The following C1orf174 variants were observed in gnomAD, a reference collection of about 807,000 sequenced individuals.
C1orf174 encodes the protein UPF0688 protein C1orf174.
C1orf174 carries 13 observed loss-of-function variants against 18.4 expected under a neutral mutation model. That is an observed-to-expected ratio of 0.71 (90% confidence interval 0.46 to 1.12). The LOEUF (loss-of-function observed/expected upper bound fraction) is 1.12. Ranked by LOEUF, C1orf174 falls within the 50% of genes most tolerant of loss-of-function variation. The pLI, the probability that C1orf174 is intolerant of heterozygous loss-of-function variation, is 0.00. For missense variants in C1orf174, 309 were observed against 308.0 expected (o/e 1.00, Z -0.02); for synonymous variants, 100 against 118.3 (o/e 0.85, Z 1.01).
rs1409447316 is a variant in C1orf174, at chr1:3,890,755, G to C, written c.432C>G (p.His144Gln). ...ATTCTTCTGCTCCGGACCCGGCACTGTGTTTTGGCACGGACAGGCCATCTC... is the reference window on the plus strand; with the variant it reads ...ATTCTTCTGCTCCGGACCCGGCACTCTGTTTTGGCACGGACAGGCCATCTC... ...KTRDGLSVPK[H>Q]SAGSGAEESN... Residue 144 changes from histidine to glutamine, a missense_variant, in exon 3 of 4, where the codon CAC becomes CAG. Transcript: ENST00000361605. 1 of 1,613,960 alleles carries C rather than the reference G, an allele frequency of 6.2e-7. No homozygotes were observed. The highest frequency in any genetic ancestry group is 8.5e-7 in the Non-Finnish European group (1 of 1,180,032).
intron 1 of C1orf174, among the ~76,000 whole-genome samples, chr1:3,899,323 T>C (rs546769979): frequency 1.6e-4 from 25 of 152,218 alleles, no homozygotes; most frequent in African/African-American, 6.0e-4. Flanking sequence ...AAGATAAAAA[T>C]AGTAAAAGGA....
chr1:3,890,849 T>G lies in C1orf174; in HGVS notation c.338A>C (p.Gln113Pro), dbSNP rs1324764237. ...GAGAGGAAGACTTGCAGCCCCCTGCTGCACAGAAACGCCAGCCTCGCTGCC... is the reference window on the plus strand; with the variant it reads ...GAGAGGAAGACTTGCAGCCCCCTGCGGCACAGAAACGCCAGCCTCGCTGCC... ...LPGSEAGVSV[Q>P]QGAASLPLGG... Residue 113 changes from glutamine (Q) to proline (P), a missense_variant, in exon 3 of 4, where the codon CAG (glutamine) becomes CCG (proline). By Grantham distance (76) the Gln-to-Pro change is moderately conservative. Transcript: ENST00000361605. The G allele has an allele frequency of 6.2e-7, 1 of 1,613,026 alleles. No individual in the cohort carries two copies. The highest frequency in any genetic ancestry group is 2.2e-5 in the East Asian group (1 of 44,828).
At chr1:3,894,825 T>A (rs1019169953) in intron 1 of C1orf174, among the ~76,000 whole-genome samples, 3 of 152,074 alleles carry the variant, frequency 2.0e-5, no homozygotes, top group Non-Finnish European at 2.9e-5. Context: ...ACAGGCTGGG[T>A]GAAGTGCCTG....
At chr1:3,893,086 G>A in intron 1 of C1orf174, 90 bp from the exon 2 acceptor site, 1 of 1,380,458 alleles carries the variant, frequency 7.2e-7, no homozygotes. Context: ...AACACCCGAA[G>A]ACCGCCCCTC....
Position 3,890,959 on chromosome 1 carries a change from AG to A in C1orf174, c.227del (p.Pro76LeufsTer11), listed in dbSNP as rs1638499906. ...LVKSELQKLVPKNDSASLPKV... is the reference protein window; with the variant it reads ...LVKSELQKLVXKNDSASLPKV... ...TTGGCAAAGAAGCGCTGTCATTCTT[AG>A]GGACAAGCTTCTGTAATTCTGACTT... On this transcript the variant is annotated frameshift_variant, in exon 3 of 4. Transcript: ENST00000361605. LOFTEE classifies it high-confidence loss of function. The A allele has an allele frequency of 6.2e-7, 1 of 1,614,200 alleles. No individual in the cohort carries two copies. The highest frequency in any genetic ancestry group is 8.5e-7 in the Non-Finnish European group (1 of 1,180,040).
intron 1 of C1orf174, among the ~76,000 whole-genome samples, chr1:3,893,856 C>T (rs1486256366): frequency 6.6e-6 from 1 of 152,102 alleles, no homozygotes; most frequent in African/African-American, 2.4e-5. Context: ...ATGACTGCAC[C>T]ACTGCACTCC....
At chr1:3,900,067 C>T in intron 1 of C1orf174, 105 bp downstream of exon 1, 2 of 1,405,062 alleles carry the variant, frequency 1.4e-6, no homozygotes, top group Non-Finnish European at 1.9e-6. Context: ...GGAGGCCGCT[C>T]CTAGGCCACA....
Position 3,892,908 on chromosome 1 carries a change from G to A in C1orf174, c.104C>T (p.Ser35Phe), listed in dbSNP as rs754079778. Residue 35 changes from serine (S) to phenylalanine (F), a missense_variant, in exon 2 of 4, where the codon TCC (serine) becomes TTC (phenylalanine). By Grantham distance (155) the Ser-to-Phe change is radical. Transcript: ENST00000361605. ...RLASAQEVAG[S>F]TSAKTACLTS... is the part of the protein sequence containing the mutation. Reference sequence around the variant, plus strand: ...CAGACATGCTGTCTTGGCAGACGTGGAACCAGCAACTTCCTGGGCAGAGGC... The same window carrying A: ...CAGACATGCTGTCTTGGCAGACGTGAAACCAGCAACTTCCTGGGCAGAGGC... 1 of 1,614,204 alleles carries A rather than the reference G, an allele frequency of 6.2e-7. No individual in the cohort carries two copies. The highest frequency in any genetic ancestry group is 1.1e-5 in the South Asian group (1 of 91,080).
In C1orf174 at chr1:3,899,503, C is replaced by T. The variant is rs377262536; in HGVS notation, c.15+669G>A. Among the ~76,000 whole-genome samples, 635 of 91,442 alleles carry T rather than the reference C, an allele frequency of 6.9e-3. 6 individuals are homozygous for T. Among genetic ancestry groups the T allele is most frequent in the African/African-American group, 0.037 (581 of 15,574 alleles). 60.0% of individuals were successfully genotyped at this position (91,442 alleles called of 152,430 possible). ...ACTTGCCCCTTGCCAGACACTGGCA[C>T]CCCCCTTCAATCCTCACCACCCTCT... On this transcript the variant is annotated intron_variant, in intron 1 of 3. Coordinates refer to ENST00000361605, the MANE Select transcript of C1orf174 (RefSeq NM_207356.3).
intron 2 of C1orf174, 129 bp downstream of exon 2, chr1:3,892,754 A>G (rs1638533916): frequency 1.4e-5 from 21 of 1,479,844 alleles, no homozygotes; most frequent in Non-Finnish European, 1.5e-5. Context: ...TTCATCTGCA[A>G]TAGTCCCCCT....
At chr1:3,899,855 G>A (rs1638675521) in intron 1 of C1orf174, among the ~76,000 whole-genome samples, 2 of 151,532 alleles carry the variant, frequency 1.3e-5, no homozygotes, top group Non-Finnish European at 1.5e-5. Flanking sequence ...CCCTTCTCTC[G>A]GGGGTGTGGC....
intron 3 of C1orf174, 26 bp downstream of exon 3, chr1:3,890,543 C>A: frequency 1.2e-6 from 2 of 1,609,978 alleles, no homozygotes; most frequent in Non-Finnish European, 1.7e-6. Flanking sequence ...TGAGTACCCA[C>A]GGGAGGAGGA....
chr1:3,892,999 A>T lies in C1orf174; in HGVS notation c.16-3T>A. 1.2e-6 allele frequency: 2 copies of T among 1,613,450 alleles called. No homozygotes were observed. Among genetic ancestry groups the T allele is most frequent in the South Asian group, 2.2e-5 (2 of 90,954 alleles). On this transcript the variant is annotated splice_polypyrimidine_tract_variant and splice_region_variant and intron_variant, in intron 1 of 3. Transcript: ENST00000361605. ...GAAGACCGCACTGCACCTGTGAGCTAGAGAGATTGAGAGCCACTCAGAGAG... is the reference window on the plus strand; with the variant it reads ...GAAGACCGCACTGCACCTGTGAGCTTGAGAGATTGAGAGCCACTCAGAGAG...
intron 2 of C1orf174, chr1:3,891,575 G>T: frequency 1.0e-6 from 1 of 987,380 alleles, no homozygotes; most frequent in Non-Finnish European, 1.2e-6. Context: ...CTGGCATATG[G>T]CCAAGTCCTA....
At chr1:3,900,044 G>GT (rs1638681094) in intron 1 of C1orf174, 128 bp downstream of exon 1, 7 of 1,179,030 alleles carry the variant, frequency 5.9e-6, no homozygotes, top group Non-Finnish European at 7.9e-6. Context: ...ACTGCCGGGG[G>GT]CGAGGCCCAA....
intron 1 of C1orf174, among the ~76,000 whole-genome samples, chr1:3,897,699 T>C (rs1468111226): frequency 2.6e-5 from 4 of 152,196 alleles, no homozygotes; most frequent in East Asian, 1.9e-4. Flanking sequence ...AGTCTCACTC[T>C]ATCGCCCAGG....
At position 3,889,956 on chromosome 1, in the gene C1orf174, G is replaced by A. The variant is rs769441049; in HGVS notation, c.*4C>T. 2 of 1,610,244 alleles carry A rather than the reference G, an allele frequency of 1.2e-6. No individual in the cohort carries two copies. Among genetic ancestry groups the A allele is most frequent in the South Asian group, 1.1e-5 (1 of 90,986 alleles). ...ATACTCAAGGACATTATTTTGTATG[G>A]CCCCTACATTTCTGCATCATCGTCG... On this transcript the variant is annotated 3_prime_UTR_variant, in exon 4 of 4. Transcript: ENST00000361605.
Position 3,889,770 on chromosome 1 carries a change from TGA to T in C1orf174, c.*188_*189del, listed in dbSNP as rs1638467873. ...CAGCTTTGCAACCTCAAAGATGGTT[TGA>T]GTTTTAGTTCCCATGAGTACATCCT... On this transcript the variant is annotated 3_prime_UTR_variant, in exon 4 of 4. Coordinates refer to ENST00000361605, the MANE Select transcript of C1orf174 (RefSeq NM_207356.3). The T allele has an allele frequency of 3.2e-6, 2 of 627,474 alleles. No individual in the cohort carries two copies. The allele number at this position is 627,474 out of a possible 1,614,324, so 38.9% of individuals were successfully genotyped here.
At chr1:3,893,091 C>A (rs1194575948) in intron 1 of C1orf174, 95 bp from the exon 2 acceptor site, 1 of 1,311,568 alleles carries the variant, frequency 7.6e-7, no homozygotes, top group Non-Finnish European at 1.1e-6. Context: ...CCGAAGACCG[C>A]CCCTCCCACT....
Sources: allele counts gnomAD v4.1 joint callset (sites outside exome capture counted in the v4.1 genomes callset), GRCh38; gene constraint gnomAD v4.1.1; transcripts MANE v1.5; gene names NCBI Gene and HGNC (gene_info 2026-07-23, HGNC 2026-07-21).